Variants in MGAT5 observed in about 807,000 individuals in gnomAD.
MGAT5 encodes the protein alpha-1,6-mannosylglycoprotein 6-beta-N-acetylglucosaminyltransferase.
In MGAT5, 30 loss-of-function variants were observed where a neutral mutation model predicts 94.3. That is an observed-to-expected ratio of 0.32 (90% CI 0.24 to 0.43). The LOEUF (loss-of-function observed/expected upper bound fraction) is 0.43. MGAT5 is among the 20% of genes least tolerant of loss of function. The pLI is 1.00. For synonymous variants in MGAT5, 310 were observed against 322.9 expected (o/e 0.96, Z 0.43); for missense variants, 691 against 905.5 (o/e 0.76, Z 3.04).
intron 2 of MGAT5, among the ~76,000 whole-genome samples, chr2:134,276,483 T>C (rs1684386096): frequency 6.6e-6 from 1 of 152,118 alleles, no homozygotes; most frequent in Non-Finnish European, 1.5e-5. Flanking sequence ...TATCAAGATA[T>C]GAGAGAGTAA....
chr2:134,192,752 A>T (rs941144289), intron 1 of MGAT5, among the ~76,000 whole-genome samples: 3 of 152,160 alleles, frequency 2.0e-5, no homozygotes, highest in Non-Finnish European at 4.4e-5. Flanking sequence ...TTATTTAAGT[A>T]AAACATGCAA....
chr2:134,400,115 A>T (rs1049847318), intron 10 of MGAT5, among the ~76,000 whole-genome samples: 3 of 152,150 alleles, frequency 2.0e-5, no homozygotes, highest in Non-Finnish European at 4.4e-5. Flanking sequence ...CTAATTCGAC[A>T]TGTGTGTCCA....
intron 1 of MGAT5, among the ~76,000 whole-genome samples, chr2:134,141,973 G>A (rs949611825): frequency 6.6e-6 from 1 of 152,178 alleles, no homozygotes; most frequent in African/African-American, 2.4e-5. Context: ...GAAAAGGAGG[G>A]AATAGGAGCA....
intron 1 of MGAT5, among the ~76,000 whole-genome samples, chr2:134,164,240 T>G (rs572107378): frequency 1.3e-5 from 2 of 152,362 alleles, no homozygotes; most frequent in East Asian, 3.9e-4. Flanking sequence ...GAACTGAGGC[T>G]GTTTTCTAGC....
chr2:134,411,780 G>C (rs535346529), intron 11 of MGAT5, among the ~76,000 whole-genome samples: 1 of 152,342 alleles, frequency 6.6e-6, no homozygotes, highest in African/African-American at 2.4e-5. Flanking sequence ...ACAGAACCAA[G>C]CTTGCAGCTA....
At chr2:134,377,086 C>G (rs1446069662) in intron 10 of MGAT5, among the ~76,000 whole-genome samples, 1 of 152,232 alleles carries the variant, frequency 6.6e-6, no homozygotes, top group East Asian at 1.9e-4. Context: ...ACAAGCTAGT[C>G]AGCTATGTCT....
At chr2:134,319,825 A>C in intron 4 of MGAT5, 1 of 341,360 alleles carries the variant, frequency 2.9e-6, no homozygotes, top group South Asian at 2.3e-5. Context: ...ATGCATGTCT[A>C]TAGCAGTCAT....
chr2:134,182,945 C>A (rs1216004249), intron 1 of MGAT5, among the ~76,000 whole-genome samples: 2 of 151,926 alleles, frequency 1.3e-5, no homozygotes, highest in Non-Finnish European at 2.9e-5. Flanking sequence ...CACCATCACA[C>A]CTGGCTAATT....
intron 2 of MGAT5, among the ~76,000 whole-genome samples, chr2:134,310,327 C>T (rs2105866609): frequency 6.6e-6 from 1 of 152,316 alleles, no homozygotes; most frequent in African/African-American, 2.4e-5. Flanking sequence ...ATGCAGAGTG[C>T]TTTGCATATG....
At chr2:134,401,804 A>G (rs1467668026) in intron 10 of MGAT5, among the ~76,000 whole-genome samples, 2 of 152,134 alleles carry the variant, frequency 1.3e-5, no homozygotes, top group Non-Finnish European at 2.9e-5. Flanking sequence ...TGAAATGAAG[A>G]ATGTGGACTG....
At chr2:134,304,843 T>C (rs1423825329) in intron 2 of MGAT5, among the ~76,000 whole-genome samples, 2 of 152,162 alleles carry the variant, frequency 1.3e-5, no homozygotes, top group Admixed American at 1.3e-4. Context: ...TCTCAGTAGG[T>C]GGGACTGTAG....
At chr2:134,325,522 A>G (rs1163522275) in intron 4 of MGAT5, among the ~76,000 whole-genome samples, 1 of 152,040 alleles carries the variant, frequency 6.6e-6, no homozygotes, top group Non-Finnish European at 1.5e-5. Flanking sequence ...TTTTAGGACA[A>G]ATCTCAAGCA....
chr2:134,425,996 A>T (rs1302489643), intron 13 of MGAT5, among the ~76,000 whole-genome samples: 1 of 151,124 alleles, frequency 6.6e-6, no homozygotes, highest in Non-Finnish European at 1.5e-5. Flanking sequence ...GTGATTTAGC[A>T]TTCTTCTTCA....
chr2:134,174,142 T>C (rs142606677), intron 1 of MGAT5, among the ~76,000 whole-genome samples: 86 of 152,368 alleles, frequency 5.6e-4, no homozygotes, highest in Admixed American at 1.1e-3. Context: ...TCCCTGGGAA[T>C]TGGATGTCAG....
chr2:134,349,510 C>T (rs1244176538), intron 8 of MGAT5, among the ~76,000 whole-genome samples: 1 of 152,114 alleles, frequency 6.6e-6, no homozygotes, highest in Non-Finnish European at 1.5e-5. Context: ...ATGGCAGTCC[C>T]CAGTTCAAGC....
chr2:134,338,878 A>G (rs936759167), intron 6 of MGAT5, among the ~76,000 whole-genome samples: 3 of 151,978 alleles, frequency 2.0e-5, no homozygotes, highest in Admixed American at 1.3e-4. Flanking sequence ...GAGAAATTTG[A>G]TTAAATTTGA....
chr2:134,394,168 A>G (rs1041069782), intron 10 of MGAT5, among the ~76,000 whole-genome samples: 1 of 152,192 alleles, frequency 6.6e-6, no homozygotes, highest in Non-Finnish European at 1.5e-5. Flanking sequence ...GGAGCTGCCA[A>G]ATGTGATTTT....
At chr2:134,410,650 A>G (rs1033668921) in intron 11 of MGAT5, among the ~76,000 whole-genome samples, 1 of 152,238 alleles carries the variant, frequency 6.6e-6, no homozygotes, top group Non-Finnish European at 1.5e-5. Flanking sequence ...AAATCCTTTT[A>G]ATTAATGGAT....
intron 8 of MGAT5, 40 bp from the exon 9 acceptor site, chr2:134,349,765 G>T: frequency 6.2e-7 from 1 of 1,602,756 alleles, no homozygotes. Flanking sequence ...AACTTTGGGG[G>T]CAAGTATGTA....
Sources: allele counts gnomAD v4.1 joint callset (sites outside exome capture counted in the v4.1 genomes callset), GRCh38; gene constraint gnomAD v4.1.1; transcripts MANE v1.5; gene names NCBI Gene and HGNC (gene_info 2026-07-23, HGNC 2026-07-21).